Variants in SDK1 observed in about 807,000 individuals in gnomAD.
The protein encoded by SDK1 is sidekick cell adhesion molecule 1.
In SDK1, 157 loss-of-function variants were observed where a neutral mutation model predicts 245.5. The observed-to-expected ratio is 0.64, with a 90% confidence interval of 0.56 to 0.73. SDK1 has a LOEUF of 0.73. Among genes scored for constraint, SDK1 ranks in the 30% least tolerant of loss-of-function variants. The pLI is 0.00. For synonymous variants in SDK1, 1,647 were observed against 1,278.5 expected (o/e 1.29, Z -6.15); for missense variants, 3,583 against 3,002.3 (o/e 1.19, Z -4.52).
intron 1 of SDK1, among the ~76,000 whole-genome samples, chr7:3,524,843 A>G (rs901069899): frequency 1.3e-5 from 2 of 152,182 alleles, no homozygotes; most frequent in Admixed American, 1.3e-4. Flanking sequence ...ATCTAACAAA[A>G]GGTTTAAAAA....
chr7:3,554,570 G>A (rs2128624170), intron 1 of SDK1, among the ~76,000 whole-genome samples: 1 of 152,232 alleles, frequency 6.6e-6, no homozygotes, highest in Non-Finnish European at 1.5e-5. Context: ...ATTACCCACA[G>A]AAAAAATCAT....
At chr7:3,408,599 T>C (rs1029401078) in intron 1 of SDK1, among the ~76,000 whole-genome samples, 9 of 152,210 alleles carry the variant, frequency 5.9e-5, no homozygotes, top group Non-Finnish European at 1.2e-4. Context: ...TTTTAGCTTA[T>C]TGCTTTTTGC....
chr7:3,460,986 TGAG>T (rs1780815629), intron 1 of SDK1, among the ~76,000 whole-genome samples: 1 of 152,216 alleles, frequency 6.6e-6, no homozygotes, highest in Admixed American at 6.5e-5. Flanking sequence ...ACAGCCAACT[TGAG>T]GACCATACAT....
At chr7:3,474,519 T>G (rs1021161100) in intron 1 of SDK1, among the ~76,000 whole-genome samples, 1 of 152,066 alleles carries the variant, frequency 6.6e-6, no homozygotes, top group Admixed American at 6.5e-5. Flanking sequence ...GTTCTTTAAT[T>G]CCTTTAACAG....
chr7:3,460,083 G>A (rs566394758), intron 1 of SDK1, among the ~76,000 whole-genome samples: 3 of 152,314 alleles, frequency 2.0e-5, no homozygotes, highest in Non-Finnish European at 2.9e-5. Context: ...ATATTTCAAA[G>A]TGGTATAATA....
chr7:4,136,804 T>A (rs918491300), intron 28 of SDK1, among the ~76,000 whole-genome samples: 11 of 152,358 alleles, frequency 7.2e-5, no homozygotes, highest in Admixed American at 2.0e-4. Context: ...ACGAAGGGTG[T>A]GCGGGAACTC....
At chr7:4,129,098 T>C (rs1562852518) in intron 26 of SDK1, among the ~76,000 whole-genome samples, 1 of 130,130 alleles carries the variant, frequency 7.7e-6, no homozygotes, top group Non-Finnish European at 1.6e-5. Flanking sequence ...TGGGGTGGGG[T>C]GCCCTGGAAG....
intron 35 of SDK1, among the ~76,000 whole-genome samples, chr7:4,186,292 C>T (rs1047104434): frequency 2.6e-5 from 4 of 152,142 alleles, no homozygotes; most frequent in African/African-American, 9.7e-5. Flanking sequence ...GGCCGCCAGC[C>T]CAGCTCCCAG....
At chr7:3,492,282 G>C (rs1259447709) in intron 1 of SDK1, among the ~76,000 whole-genome samples, 1 of 152,138 alleles carries the variant, frequency 6.6e-6, no homozygotes, top group African/African-American at 2.4e-5. Context: ...AAGCCTGACA[G>C]AGTAGATCGA....
rs1308104075 is a variant in SDK1 at position 3,538,701 on chromosome 7, G to C, written c.299-80379G>C. Among the ~76,000 whole-genome samples the C allele has an allele frequency of 2.0e-5, 3 of 152,158 alleles. No individual in the cohort carries two copies. The East Asian group carries it at 5.8e-4, about 29-fold the overall frequency. On this transcript the variant is annotated intron_variant, in intron 1 of 44. Transcript: ENST00000404826. ...GCCCACCCGGCTACTTCTGTGCCAG[G>C]CTTAGGGCACAGGAGTTTATACTCT... is the stretch of plus-strand genomic sequence containing the variant.
chr7:3,452,502 A>T (rs1034026575), intron 1 of SDK1, among the ~76,000 whole-genome samples: 16 of 152,234 alleles, frequency 1.1e-4, no homozygotes, highest in African/African-American at 3.9e-4. Flanking sequence ...CAAGAAAGTT[A>T]TGATGAACAT....
intron 1 of SDK1, among the ~76,000 whole-genome samples, chr7:3,618,688 G>A (rs34158084): frequency 6.6e-6 from 1 of 152,154 alleles, no homozygotes; most frequent in African/African-American, 2.4e-5. Flanking sequence ...CCAATTGAAG[G>A]TTATAGAGGA....
At chr7:4,219,058 A>G (rs1284896808) in intron 38 of SDK1, among the ~76,000 whole-genome samples, 1 of 152,208 alleles carries the variant, frequency 6.6e-6, no homozygotes, top group Non-Finnish European at 1.5e-5. Flanking sequence ...CTTTTGCATG[A>G]TCACTTGTTT....
At chr7:4,051,926 G>C in intron 19 of SDK1, 96 bp downstream of exon 19, 1 of 1,184,754 alleles carries the variant, frequency 8.4e-7, no homozygotes, top group South Asian at 1.6e-5. Context: ...GGTGGATCAC[G>C]AGGAGGCCCC....
intron 5 of SDK1, among the ~76,000 whole-genome samples, chr7:3,883,074 T>C (rs1781246049): frequency 6.6e-6 from 1 of 152,192 alleles, no homozygotes; most frequent in Non-Finnish European, 1.5e-5. Flanking sequence ...TTTATGGAGC[T>C]CAGAGGTTTT....
intron 2 of SDK1, among the ~76,000 whole-genome samples, chr7:3,627,728 T>C (rs1782163518): frequency 6.6e-6 from 1 of 152,182 alleles, no homozygotes; most frequent in African/African-American, 2.4e-5. Context: ...TGATGTCCCA[T>C]TTTATTAGTT....
chr7:4,030,098 G>A (rs78169095), intron 17 of SDK1, among the ~76,000 whole-genome samples: 8,729 of 152,196 alleles, frequency 0.057, 499 homozygotes, highest in African/African-American at 0.14. Context: ...GGCTAGATGC[G>A]CGTCAAGCAT....
intron 14 of SDK1, among the ~76,000 whole-genome samples, chr7:3,990,287 G>A (rs972713495): frequency 2.0e-5 from 3 of 152,224 alleles, no homozygotes; most frequent in Non-Finnish European, 4.4e-5. Context: ...CCCCCTTGCA[G>A]GGGCATCTCT....
At chr7:4,132,656 A>C in intron 28 of SDK1, 1 of 425,524 alleles carries the variant, frequency 2.4e-6, no homozygotes, top group Non-Finnish European at 4.4e-6. Flanking sequence ...TGAGCCCAGG[A>C]GGTTGAGGCT....
Sources: allele counts gnomAD v4.1 joint callset (sites outside exome capture counted in the v4.1 genomes callset), GRCh38; gene constraint gnomAD v4.1.1; transcripts MANE v1.5; gene names NCBI Gene and HGNC (gene_info 2026-07-23, HGNC 2026-07-21).